The following CFAP46 variants were observed in gnomAD, a reference collection of about 807,000 sequenced individuals.
CFAP46 encodes the protein cilia and flagella associated protein 46.
CFAP46 carries 245 observed loss-of-function variants against 325.7 expected under a neutral mutation model. The observed-to-expected ratio is 0.75, with a 90% CI of 0.68 to 0.84. The LOEUF (loss-of-function observed/expected upper bound fraction) is 0.84, where lower values mean the gene tolerates loss of function less well. Ranked by LOEUF, CFAP46 falls within the 40% of genes least tolerant of loss-of-function variation. CFAP46 has a pLI of 0.00. For missense variants in CFAP46, 3,346 were observed against 3,543.0 expected, an observed-to-expected ratio of 0.94 and a Z score of 1.41; for synonymous variants, 1,523 against 1,495.9, an observed-to-expected ratio of 1.02 and a Z score of -0.42.
In CFAP46 at chr10:132,838,276, G is replaced by A. The variant is rs145709200; in HGVS notation, c.6439-1362C>T. ...CTCTCCGCATGGGCAGCCCTCCATC[G>A]AGCTGTGAGGCTTCTGGTTCTGAGT... On this transcript the variant is annotated intron_variant, in intron 44 of 57. Transcript: ENST00000368586. 3.8e-3 allele frequency among the ~76,000 whole-genome samples: 586 copies of A among 152,390 alleles called. 4 individuals carry two copies. Among genetic ancestry groups the A allele is most frequent in the African/African-American group, 0.012 (498 of 41,594 alleles).
chr10:132,828,803 C>T lies in CFAP46; in HGVS notation c.7117+4555G>A, dbSNP rs944348010. Among the ~76,000 whole-genome samples, 7 of 152,122 alleles carry T rather than the reference C, an allele frequency of 4.6e-5. No individual in the cohort carries two copies. The highest frequency in any genetic ancestry group is 7.3e-5 in the Non-Finnish European group (5 of 68,046). On this transcript the variant is annotated intron_variant, in intron 50 of 57. Transcript: ENST00000368586. The surrounding 1 kb of genome is among the most constrained non-coding windows in gnomAD (Gnocchi z 4.9). The stretch of plus-strand genomic sequence containing the variant: ...TGTTGTGTTTCGTTCTGCACTTGGA[C>T]GTCCAGGGACTGCAGCCACTCATGG...
chr10:132,814,759 A>G lies in CFAP46; in HGVS notation c.7189-13T>C, dbSNP rs1159583989. ...GGGGGATGCTGCCCTGCAACCACAGACCAGGGTCAGCAGGTGCAGGGGCCA... is the reference window on the plus strand; with the variant it reads ...GGGGGATGCTGCCCTGCAACCACAGGCCAGGGTCAGCAGGTGCAGGGGCCA... On this transcript the variant is annotated splice_polypyrimidine_tract_variant and intron_variant, in intron 51 of 57. Transcript: ENST00000368586. The G allele has an allele frequency of 6.2e-7, 1 of 1,613,748 alleles. No individual in the cohort carries two copies. Among genetic ancestry groups the G allele is most frequent in the Non-Finnish European group, 8.5e-7 (1 of 1,179,796 alleles).
intron 44 of CFAP46, among the ~76,000 whole-genome samples, chr10:132,842,011 G>T (rs73391244): frequency 0.016 from 2,438 of 152,302 alleles, 61 homozygotes; most frequent in African/African-American, 0.055. Context: ...TTTGGTGAAC[G>T]GTCTAGAGCC....
At chr10:132,930,215 G>C (rs1042960246) in intron 8 of CFAP46, among the ~76,000 whole-genome samples, 3 of 152,056 alleles carry the variant, frequency 2.0e-5, no homozygotes, top group South Asian at 4.1e-4. Flanking sequence ...GGAAGAGGCA[G>C]GTTCCTCTTC....
intron 34 of CFAP46, among the ~76,000 whole-genome samples, chr10:132,867,095 A>G (rs1848824695): frequency 6.6e-6 from 1 of 151,844 alleles, no homozygotes; most frequent in African/African-American, 2.4e-5. Context: ...ACACTGACAC[A>G]CAGGCCAGCC....
chr10:132,880,723 TGA>T (rs1454245352), intron 28 of CFAP46, 136 bp downstream of exon 28: 7 of 875,804 alleles, frequency 8.0e-6, no homozygotes, highest in Middle Eastern at 7.9e-4. Context: ...AGGACAGCGC[TGA>T]GACACGTCAG....
Position 132,881,052 on chromosome 10 carries a change from G to T in CFAP46, c.3628-20C>A. 6.5e-7 allele frequency: 1 copy of T among 1,549,206 alleles called. No homozygotes were observed. Among genetic ancestry groups the T allele is most frequent in the South Asian group, 1.2e-5 (1 of 84,042 alleles). On this transcript the variant is annotated intron_variant, in intron 27 of 57. Transcript: ENST00000368586. The stretch of plus-strand genomic sequence containing the variant: ...AGGCTTCTGTGGGATTGAACAGGAA[G>T]GGTGACATCCTCAGGATGGCCCTGA...
Position 132,857,643 on chromosome 10 carries a change from C to CTA in CFAP46, c.5520_5521insTA (p.Ala1841Ter). On this transcript the variant is annotated frameshift_variant, in exon 39 of 58. Coordinates refer to ENST00000368586, the MANE Select transcript of CFAP46 (RefSeq NM_001200049.3). LOFTEE classifies it high-confidence loss of function. ...CTGTGAAGCCTCCCTTCTTCCTCAG[C>CTA]CATGGCGCCCTGGGCCAGGCCATAT... The CTA allele has an allele frequency of 6.2e-7, 1 of 1,613,184 alleles. No homozygotes were observed. The highest frequency in any genetic ancestry group is 1.1e-5 in the South Asian group (1 of 90,738).
intron 18 of CFAP46, 28 bp from the exon 19 acceptor site, chr10:132,912,848 C>T (rs765308017): frequency 1.3e-6 from 2 of 1,544,770 alleles, no homozygotes; most frequent in African/African-American, 2.7e-5. Flanking sequence ...CAGAGGGAAC[C>T]TTGGCCCCCG....
At chr10:132,829,381 G>A (rs1055898154) in intron 50 of CFAP46, among the ~76,000 whole-genome samples, 1 of 152,142 alleles carries the variant, frequency 6.6e-6, no homozygotes, top group African/African-American at 2.4e-5. Flanking sequence ...AAATGCAATT[G>A]GTTTTTGTAC....
intron 24 of CFAP46, chr10:132,898,567 C>T (rs953241037): frequency 1.2e-4 from 39 of 332,616 alleles, no homozygotes; most frequent in African/African-American, 7.3e-4. Context: ...GCCCAGCCCC[C>T]GCCCCCTGCC....
intron 3 of CFAP46, 39 bp downstream of exon 3, chr10:132,941,552 T>C: frequency 6.3e-7 from 1 of 1,591,808 alleles, no homozygotes; most frequent in South Asian, 1.1e-5. Flanking sequence ...GGGGTGAAAA[T>C]TGAACTGTTG....
At chr10:132,918,609 G>T in intron 15 of CFAP46, 89 bp from the exon 16 acceptor site, 2 of 1,438,816 alleles carry the variant, frequency 1.4e-6, no homozygotes, top group Non-Finnish European at 1.8e-6. Flanking sequence ...TGGAGTGCCT[G>T]AGCCTCTCCC....
At position 132,876,279 on chromosome 10, in the gene CFAP46, C is replaced by T. The variant is rs1240445349; in HGVS notation, c.4362+533G>A. On this transcript the variant is annotated intron_variant, in intron 31 of 57. Coordinates refer to ENST00000368586, the MANE Select transcript of CFAP46 (RefSeq NM_001200049.3). This position sits in a 1 kb window ranked among gnomAD's most constrained non-coding sequence, Gnocchi z 4.1. ...ACCACTATGGAGGGCAGCATGGCAG[C>T]GTGGCACCAAACACCGCAGGTGGAG... Among the ~76,000 whole-genome samples, 2 of 152,240 alleles carry T rather than the reference C, an allele frequency of 1.3e-5. No individual in the cohort carries two copies. Among genetic ancestry groups the T allele is most frequent in the Non-Finnish European group, 2.9e-5 (2 of 68,030 alleles).
At chr10:132,810,277 G>A (rs372834594) in intron 57 of CFAP46, 132 bp downstream of exon 57, 10 of 784,886 alleles carry the variant, frequency 1.3e-5, no homozygotes, top group South Asian at 7.5e-5. Context: ...CCTAGTTAAC[G>A]TCTGGAGTCC....
chr10:132,859,891 C>T (rs1848699216), intron 37 of CFAP46, among the ~76,000 whole-genome samples: 1 of 152,198 alleles, frequency 6.6e-6, no homozygotes, highest in African/African-American at 2.4e-5. Context: ...CCCATCTCCA[C>T]TAAAAATACA....
At chr10:132,848,159 C>T (rs1848472634) in intron 41 of CFAP46, among the ~76,000 whole-genome samples, 1 of 152,106 alleles carries the variant, frequency 6.6e-6, no homozygotes, top group Non-Finnish European at 1.5e-5. Context: ...ACCACCAGGA[C>T]ATTAAACAGG....
chr10:132,923,620 CTG>C, intron 11 of CFAP46, among the ~76,000 whole-genome samples: 1 of 152,218 alleles, frequency 6.6e-6, no homozygotes. Flanking sequence ...CTCGAGCAGG[CTG>C]TGTGTGACAG....
chr10:132,856,154 T>C (rs896519532), intron 39 of CFAP46, among the ~76,000 whole-genome samples: 2 of 152,244 alleles, frequency 1.3e-5, no homozygotes, highest in Non-Finnish European at 2.9e-5. Context: ...GTCCCTGCGC[T>C]GGGCTCTCAG....
Sources: gnomAD v4.1 joint callset for allele counts (sites outside exome capture counted in the v4.1 genomes callset) on GRCh38, gnomAD v4.1.1 for gene constraint, Gnocchi (gnomAD v3.1) non-coding constraint, MANE v1.5 for transcripts, NCBI Gene and HGNC (gene_info 2026-07-23, HGNC 2026-07-21) for gene names.